KIAA1328: variants seen among roughly 807,000 people sequenced by gnomAD.
KIAA1328 encodes KIAA1328.
A neutral mutation model predicts 68.1 loss-of-function variants in KIAA1328; 52 were observed. The ratio of observed to expected loss-of-function variants is 0.76; its 90% confidence interval spans 0.61 to 0.96. The LOEUF is 0.96. Ranked by LOEUF, KIAA1328 falls within the 40% of genes least tolerant of loss-of-function variation. KIAA1328 has a pLI of 0.00. For synonymous variants in KIAA1328, 232 were observed against 239.4 expected (o/e 0.97, Z 0.28); for missense variants, 641 against 677.6 (o/e 0.95, Z 0.60).
At chr18:37,151,574 A>T (rs958899146) in intron 7 of KIAA1328, among the ~76,000 whole-genome samples, 2 of 152,178 alleles carry the variant, frequency 1.3e-5, no homozygotes, top group African/African-American at 2.4e-5. Flanking sequence ...TCACCTTAAG[A>T]TGCATAAATA....
At chr18:37,158,396 C>G (rs17652799) in intron 7 of KIAA1328, among the ~76,000 whole-genome samples, 16,125 of 152,014 alleles carry the variant, frequency 0.11, 1,081 homozygotes, top group Non-Finnish European at 0.13. Context: ...TGCTCTTGTC[C>G]CCACACGCTC....
At chr18:36,961,273 G>A (rs982501855) in intron 6 of KIAA1328, among the ~76,000 whole-genome samples, 6 of 152,128 alleles carry the variant, frequency 3.9e-5, no homozygotes, top group African/African-American at 1.4e-4. Context: ...AGAAAAAAAA[G>A]TAAAAACAAA....
At chr18:37,076,205 A>T (rs2056728007) in intron 7 of KIAA1328, among the ~76,000 whole-genome samples, 1 of 152,210 alleles carries the variant, frequency 6.6e-6, no homozygotes, top group African/African-American at 2.4e-5. Context: ...AACTACATGG[A>T]AACTGAACAA....
intron 7 of KIAA1328, among the ~76,000 whole-genome samples, chr18:37,156,023 A>G (rs1347373061): frequency 1.3e-5 from 2 of 152,166 alleles, no homozygotes; most frequent in Non-Finnish European, 2.9e-5. Flanking sequence ...CATAACATCC[A>G]GTATATTCCT....
At chr18:37,027,448 C>G (rs897895759) in intron 6 of KIAA1328, among the ~76,000 whole-genome samples, 1 of 152,166 alleles carries the variant, frequency 6.6e-6, no homozygotes, top group Non-Finnish European at 1.5e-5. Flanking sequence ...GGAAGCATCA[C>G]GCTACCTGAC....
At chr18:37,148,085 A>G (rs2058944687) in intron 7 of KIAA1328, among the ~76,000 whole-genome samples, 1 of 152,004 alleles carries the variant, frequency 6.6e-6, no homozygotes, top group Non-Finnish European at 1.5e-5. Context: ...ATAGACATTA[A>G]GCCCAGCATG....
chr18:36,951,619 C>T (rs778210119), intron 5 of KIAA1328, among the ~76,000 whole-genome samples: 1 of 152,154 alleles, frequency 6.6e-6, no homozygotes, highest in Non-Finnish European at 1.5e-5. Flanking sequence ...ATCCAAGTGT[C>T]CCCTCTTCGC....
At chr18:36,962,581 C>G (rs1421835997) in intron 6 of KIAA1328, among the ~76,000 whole-genome samples, 1 of 152,144 alleles carries the variant, frequency 6.6e-6, no homozygotes, top group Non-Finnish European at 1.5e-5. Flanking sequence ...GTAAAGCACT[C>G]CTCAGCAAAT....
intron 7 of KIAA1328, among the ~76,000 whole-genome samples, chr18:37,120,831 A>G (rs1402192740): frequency 2.0e-5 from 3 of 152,208 alleles, no homozygotes; most frequent in African/African-American, 7.2e-5. Context: ...GCTCCACTTT[A>G]TTAGAAAGTT....
intron 4 of KIAA1328, among the ~76,000 whole-genome samples, chr18:36,865,933 C>T (rs959976569): frequency 1.3e-5 from 2 of 152,154 alleles, no homozygotes; most frequent in Non-Finnish European, 1.5e-5. Context: ...TCTTTACCCA[C>T]CTCAGGCTTT....
chr18:37,215,954 C>T (rs1205154917), intron 9 of KIAA1328, among the ~76,000 whole-genome samples: 1 of 152,168 alleles, frequency 6.6e-6, no homozygotes, highest in African/African-American at 2.4e-5. Flanking sequence ...TTATAGTATT[C>T]TCTGATGGTA....
chr18:36,940,674 CTTTT>C (rs1272164052), intron 5 of KIAA1328, among the ~76,000 whole-genome samples: 3 of 127,692 alleles, frequency 2.3e-5, no homozygotes, highest in African/African-American at 5.6e-5. Flanking sequence ...GCTCATTTTA[CTTTT>C]TTTTTTTTTT....
intron 5 of KIAA1328, among the ~76,000 whole-genome samples, chr18:36,936,476 T>A (rs563540658): frequency 6.6e-6 from 1 of 152,222 alleles, no homozygotes; most frequent in South Asian, 2.1e-4. Flanking sequence ...TATGGCTGCA[T>A]AGTATTCCAT....
intron 6 of KIAA1328, among the ~76,000 whole-genome samples, chr18:36,980,113 C>A (rs1034812513): frequency 6.6e-6 from 1 of 152,164 alleles, no homozygotes; most frequent in Non-Finnish European, 1.5e-5. Flanking sequence ...AGAGAGCAGC[C>A]CTTACTGAAA....
intron 3 of KIAA1328, among the ~76,000 whole-genome samples, chr18:36,839,399 C>A (rs957727315): frequency 7.9e-5 from 12 of 152,120 alleles, no homozygotes; most frequent in African/African-American, 2.9e-4. Context: ...TTTAGAAGTT[C>A]AGTTTCAGTC....
chr18:37,150,947 G>C lies in KIAA1328; in HGVS notation c.1233-9253G>C, dbSNP rs146965709. Among the ~76,000 whole-genome samples the C allele has an allele frequency of 2.1e-3, 318 of 152,226 alleles. 2 individuals carry two copies. Among genetic ancestry groups the C allele is most frequent in the Middle Eastern group, 0.017 (5 of 292 alleles). ...TTACCACTTTTATTCAGCATTGTCTGGGAGGTTCTGGTGTGATCAGGCATG... is the reference window on the plus strand; with the variant it reads ...TTACCACTTTTATTCAGCATTGTCTCGGAGGTTCTGGTGTGATCAGGCATG... On this transcript the variant is annotated intron_variant, in intron 7 of 9. Transcript: ENST00000280020.
chr18:37,031,697 A>G (rs181443114), intron 6 of KIAA1328, among the ~76,000 whole-genome samples: 1 of 152,268 alleles, frequency 6.6e-6, no homozygotes, highest in Admixed American at 6.5e-5. Context: ...GTCTAGTTAT[A>G]TCACCTTTTA....
At chr18:36,884,430 A>G (rs762454993) in intron 4 of KIAA1328, among the ~76,000 whole-genome samples, 2 of 152,218 alleles carry the variant, frequency 1.3e-5, no homozygotes, top group African/African-American at 2.4e-5. Context: ...ATTGAGCACT[A>G]CTATGTGCTA....
intron 6 of KIAA1328, among the ~76,000 whole-genome samples, chr18:36,989,286 T>G (rs1350262010): frequency 6.6e-6 from 1 of 152,180 alleles, no homozygotes; most frequent in East Asian, 1.9e-4. Context: ...AGAATAAAAT[T>G]TGTAGCCATC....
Sources: allele counts gnomAD v4.1 joint callset (sites outside exome capture counted in the v4.1 genomes callset), GRCh38; gene constraint gnomAD v4.1.1; transcripts MANE v1.5; gene names NCBI Gene and HGNC (gene_info 2026-07-23, HGNC 2026-07-21).